The following SHOX variants were observed in gnomAD, a reference collection of about 807,000 sequenced individuals.
The protein encoded by SHOX is short stature homeobox protein.
SHOX carries 12 observed loss-of-function variants against 29.6 expected under a neutral mutation model. The observed-to-expected ratio is 0.41, with a 90% CI of 0.26 to 0.66. The LOEUF is 0.66. SHOX is among the 30% of genes least tolerant of loss of function. SHOX has a pLI of 0.35. For synonymous variants in SHOX, 214 were observed against 200.6 expected, an observed-to-expected ratio of 1.07 and a Z score of -0.57; for missense variants, 499 against 437.7, an observed-to-expected ratio of 1.14 and a Z score of -1.25.
rs769230537 is a variant in SHOX, at chrX:635,644, G to T, written c.486+818G>T. Among the ~76,000 whole-genome samples the T allele has an allele frequency of 3.2e-3, 485 of 152,300 alleles. 3 individuals carry two copies. The highest frequency in any genetic ancestry group is 5.7e-3 in the Non-Finnish European group (389 of 68,024). ...CCCATGAGACCAGGCACTGGGGGGC[G>T]GAGGGGCCTTGGGTGTGCGCAGAGG... On this transcript the variant is annotated intron_variant, in intron 2 of 4. Transcript: ENST00000686671.
intron 1 of SHOX, among the ~76,000 whole-genome samples, chrX:632,912 T>G (rs1299519878): frequency 6.6e-6 from 1 of 152,156 alleles, no homozygotes; most frequent in Non-Finnish European, 1.5e-5. Flanking sequence ...TTGGTTGTCC[T>G]TCGCAGACAC....
chrX:656,896 A>G (rs866748040), intron 5 of SHOX, among the ~76,000 whole-genome samples: 3 of 128,694 alleles, frequency 2.3e-5, no homozygotes, highest in Non-Finnish European at 4.9e-5. Flanking sequence ...ACTGCCCTCC[A>G]GCCTGGGCAA....
intron 1 of SHOX, among the ~76,000 whole-genome samples, chrX:625,058 C>CCCTCTCTCCCTCCTTCT (rs1556451947): frequency 1.3e-5 from 1 of 75,214 alleles, no homozygotes; most frequent in Non-Finnish European, 2.2e-5. Context: ...TCTGTTCCTT[C>CCCTCTCTCCCTCCTTCT]CTCCCTCCCT....
Position 644,393 on chromosome X carries a change from C to G in SHOX, c.636C>G (p.Val212=). 6.6e-7 allele frequency: 1 copy of G among 1,522,126 alleles called. No individual in the cohort carries two copies. Among genetic ancestry groups the G allele is most frequent in the African/African-American group, 1.4e-5 (1 of 70,664 alleles). The allele number at this position is 1,522,126 out of a possible 1,614,324, so 94.3% of individuals were successfully genotyped here. A position where few individuals can be genotyped will look rare whatever the true frequency, so the allele number is the denominator to read the frequency against. ...MGALRMPFQQ[V]QAQLQLEGVA... The stretch of plus-strand genomic sequence containing the variant: ...CCCCGCCGGGTCCGCTCCCGCAGGT[C>G]CAGGCTCAGCTGCAGCTGGAAGGCG... Residue 212 remains valine, a splice_region_variant and synonymous_variant, in exon 5 of 5, where the codon GTC becomes GTG. Transcript: ENST00000686671.
downstream of SHOX, among the ~76,000 whole-genome samples, chrX:653,192 G>T (rs955149527): frequency 1.3e-5 from 2 of 152,156 alleles, no homozygotes; most frequent in Non-Finnish European, 2.9e-5. Flanking sequence ...ACTGAGCCGA[G>T]ATCGCGCCAT....
At chrX:637,682 G>C (rs2052781974) in intron 2 of SHOX, among the ~76,000 whole-genome samples, 1 of 152,158 alleles carries the variant, frequency 6.6e-6, no homozygotes, top group South Asian at 2.1e-4. Flanking sequence ...AAATCAATTA[G>C]TTCCAACACC....
At chrX:656,331 C>T (rs747322455), downstream of SHOX, among the ~76,000 whole-genome samples, 92 of 149,430 alleles carry the variant, frequency 6.2e-4, no homozygotes, top group Non-Finnish European at 1.1e-3. Flanking sequence ...AATCCCGGTA[C>T]TCTGGGAGGC....
chrX:658,466 G>T (rs866366751), intron 5 of SHOX, among the ~76,000 whole-genome samples: 1 of 145,902 alleles, frequency 6.9e-6, no homozygotes. Flanking sequence ...TTCTCAAAAA[G>T]AACTCTTTTT....
chrX:625,708 T>C (rs1460221579), intron 1 of SHOX, among the ~76,000 whole-genome samples: 1 of 44,788 alleles, frequency 2.2e-5, no homozygotes, highest in Non-Finnish European at 4.8e-5. Context: ...TCTCTCTTTC[T>C]ATCTCTGTCT....
chrX:658,661 G>C (rs973364440), intron 5 of SHOX: 2 of 187,912 alleles, frequency 1.1e-5, no homozygotes, highest in African/African-American at 4.8e-5. Flanking sequence ...TAGTAGAGAC[G>C]GGGTTTCACC....
rs188367048 is a variant in SHOX at position 651,247 on chromosome X, C to A, written c.*6611C>A. 2.2e-6 allele frequency: 1 copy of A among 452,534 alleles called. No individual in the cohort carries two copies. The highest frequency in any genetic ancestry group is 7.0e-5 in the East Asian group (1 of 14,312). The allele number at this position is 452,534 out of a possible 1,614,324, so 28.0% of individuals were successfully genotyped here. On this transcript the variant is annotated 3_prime_UTR_variant, in exon 5 of 5. Transcript: ENST00000686671. ...TTTCCCTCCCCCATTGACGACATAGCGGCCCCCGCGTCCGGGTTACAAATA... is the reference window on the plus strand; with the variant it reads ...TTTCCCTCCCCCATTGACGACATAGAGGCCCCCGCGTCCGGGTTACAAATA...
chrX:641,651 C>T lies in SHOX; in HGVS notation c.633+564C>T, dbSNP rs758834410. Among the ~76,000 whole-genome samples, 3 of 147,866 alleles carry T rather than the reference C, an allele frequency of 2.0e-5. No individual in the cohort carries two copies. In the South Asian group the frequency reaches 6.5e-4, roughly 32 times the overall value. On this transcript the variant is annotated intron_variant, in intron 4 of 4. Coordinates refer to ENST00000686671, the MANE Select transcript of SHOX (RefSeq NM_000451.4). The stretch of plus-strand genomic sequence containing the variant: ...GCCAATATCGCGCCACTGCACTCCA[C>T]TCTGGGTGACAGAGTGAGACTCCAA...
At chrX:627,163 C>G (rs747894069), upstream of SHOX, among the ~76,000 whole-genome samples, 1 of 152,190 alleles carries the variant, frequency 6.6e-6, no homozygotes, top group Non-Finnish European at 1.5e-5. Context: ...GGTGCAGACC[C>G]TGCTTTCTGC....
At position 641,001 on chromosome X, in the gene SHOX, G is replaced by C; in HGVS notation, c.547G>C (p.Val183Leu). ...ACACCTGCTCCCTTTGGACACAGGC[G>C]TCATCTTGGGCACAGCCAACCACCT... ...RKQENQMHKG[V>L]ILGTANHLDA... The change falls in exon 4 of 5, where the codon GTC becomes CTC. Residue 183 changes from valine to leucine, a missense_variant and splice_region_variant. By Grantham distance (32) the Val-to-Leu change is conservative. Transcript: ENST00000686671. 2 of 1,613,816 alleles carry C rather than the reference G, an allele frequency of 1.2e-6. No homozygotes were observed. Among genetic ancestry groups the C allele is most frequent in the East Asian group, 4.5e-5 (2 of 44,868 alleles).
rs1385405284 is a variant in SHOX, at chrX:656,862, T to A, written c.634-1923T>A. Among the ~76,000 whole-genome samples the A allele has an allele frequency of 1.2e-3, 16 of 12,938 alleles. 5 individuals carry two copies. Among genetic ancestry groups the A allele is most frequent in the Non-Finnish European group, 2.1e-3 (14 of 6,600 alleles). 8.5% of individuals were successfully genotyped at this position (12,938 alleles called of 152,430 possible). ...CGTCTCAAAAAAAAAAAAAAAAAACTGCTGCCCAAGCTGTGTTTGCACCAC... is the reference window on the plus strand; with the variant it reads ...CGTCTCAAAAAAAAAAAAAAAAAACAGCTGCCCAAGCTGTGTTTGCACCAC... On this transcript the variant is annotated intron_variant, in intron 5 of 5. Transcript: ENST00000334060.
rs1382141252 is a variant in SHOX at position 631,053 on chromosome X, G to A, written c.156G>A (p.Ser52=). The A allele has an allele frequency of 1.9e-6, 3 of 1,613,698 alleles. No individual in the cohort carries two copies. The highest frequency in any genetic ancestry group is 1.1e-5 in the South Asian group (1 of 91,084). Residue 52 remains serine, a synonymous_variant, in exon 1 of 5, where the codon TCG becomes TCA. Transcript: ENST00000686671. The part of the protein sequence containing the change: ...GLARSRELGT[S]DSSLQDITEG... ...CGCGCTCCCGGGAGCTGGGGACGTCGGATTCCAGCCTCCAGGACATCACGG... is the reference window on the plus strand; with the variant it reads ...CGCGCTCCCGGGAGCTGGGGACGTCAGATTCCAGCCTCCAGGACATCACGG...
downstream of SHOX, among the ~76,000 whole-genome samples, chrX:651,988 T>C (rs1440401645): frequency 3.3e-5 from 5 of 152,060 alleles, no homozygotes; most frequent in Admixed American, 1.3e-4. Context: ...AGGGGCGCGA[T>C]CTCGGCTCAC....
chrX:645,589 A>G lies in SHOX; in HGVS notation c.*953A>G, dbSNP rs1008587345. On this transcript the variant is annotated 3_prime_UTR_variant, in exon 5 of 5. Transcript: ENST00000686671. ...ATAGCCGTGCACTCTTGACCCCGTC[A>G]GCGTCCAACGTGGAAAAGGCGTTAC... 10 of 151,796 alleles carry G rather than the reference A, an allele frequency of 6.6e-5. No homozygotes were observed. Among genetic ancestry groups the G allele is most frequent in the African/African-American group, 2.4e-4 (10 of 41,386 alleles). The allele number at this position is 151,796 out of a possible 1,614,324, so 9.4% of individuals were successfully genotyped here.
At chrX:658,790 G>A in exon 6 of SHOX, 1 of 377,694 alleles carries the variant, frequency 2.6e-6, no homozygotes, top group South Asian at 1.9e-5. Flanking sequence ...TTTAGATGGA[G>A]TTTTGCTCTT....
Sources: gnomAD v4.1 joint callset for allele counts (sites outside exome capture counted in the v4.1 genomes callset) on GRCh38, gnomAD v4.1.1 for gene constraint, MANE v1.5 for transcripts, NCBI Gene and HGNC (gene_info 2026-07-23, HGNC 2026-07-21) for gene names.